The following RBBP6 variants were observed in gnomAD, a reference collection of about 807,000 sequenced individuals.
The protein encoded by RBBP6 is E3 ubiquitin-protein ligase RBBP6.
A neutral mutation model predicts 167.7 loss-of-function variants in RBBP6; 25 were observed. That is an observed-to-expected ratio of 0.15 (90% confidence interval 0.11 to 0.21). The LOEUF (loss-of-function observed/expected upper bound fraction) is 0.21. Among genes scored for constraint, RBBP6 ranks in the 10% least tolerant of loss-of-function variants. The pLI, the probability that RBBP6 is intolerant of heterozygous loss-of-function variation, is 1.00. For missense variants in RBBP6, 1,868 were observed against 2,134.2 expected (o/e 0.88, Z 2.46); for synonymous variants, 789 against 735.8 (o/e 1.07, Z -1.17).
chr16:24,558,880 T>C (rs1187015194), intron 7 of RBBP6, among the ~76,000 whole-genome samples: 2 of 152,208 alleles, frequency 1.3e-5, no homozygotes, highest in Non-Finnish European at 2.9e-5. Flanking sequence ...TAACCTCTCT[T>C]AAAATACTAA....
rs1387479542 is a variant in RBBP6 at position 24,555,476 on chromosome 16, C to T, written c.349-139C>T. The T allele has an allele frequency of 4.4e-6, 3 of 675,268 alleles. No individual in the cohort carries two copies. The East Asian group carries it at 7.8e-5, about 18-fold the overall frequency. The allele number at this position is 675,268 out of a possible 1,614,324, so 41.8% of individuals were successfully genotyped here. On this transcript the variant is annotated intron_variant, in intron 4 of 17. Transcript: ENST00000319715. ...CCTAAGGAATTCCCAAGTGCCTCTT[C>T]CAGGTTATACGTGTAAATAGCTGTT...
intron 14 of RBBP6, among the ~76,000 whole-genome samples, chr16:24,566,114 A>C (rs530137540): frequency 1.3e-5 from 2 of 152,308 alleles, no homozygotes; most frequent in East Asian, 3.9e-4. Flanking sequence ...TGCTAAACTT[A>C]TGAAAGTTTA....
At chr16:24,544,732 A>G (rs1239439302) in intron 1 of RBBP6, among the ~76,000 whole-genome samples, 4 of 152,128 alleles carry the variant, frequency 2.6e-5, no homozygotes, top group Non-Finnish European at 5.9e-5. Context: ...CATTTTCTTA[A>G]TTTCATTCTT....
At position 24,571,124 on chromosome 16, in the gene RBBP6, G is replaced by C; in HGVS notation, c.4058G>C (p.Ser1353Thr). 1 of 1,613,442 alleles carries C rather than the reference G, an allele frequency of 6.2e-7. No individual in the cohort carries two copies. The highest frequency in any genetic ancestry group is 8.5e-7 in the Non-Finnish European group (1 of 1,179,582). Residue 1353 changes from serine to threonine, a missense_variant, in exon 18 of 18, where the codon AGT (serine) becomes ACT (threonine). Physicochemically the swap from Ser to Thr is moderately conservative, Grantham distance 58 (BLOSUM62 1). Around this residue, in one of 7 missense-constraint regions of RBBP6, gnomAD observed 591 missense variants for 540.5 expected, o/e 1.09. Coordinates refer to ENST00000319715, the MANE Select transcript of RBBP6 (RefSeq NM_006910.5). ...CCTGCTAGTGTTATAAAAAATGTTA[G>C]TACAAAGCCATCAAATATAGTCAAG... ...GKPASVIKNV[S>T]TKPSNIVKYP...
At chr16:24,540,919 A>G in intron 1 of RBBP6, 127 bp downstream of exon 1, 1 of 1,149,168 alleles carries the variant, frequency 8.7e-7, no homozygotes, top group South Asian at 1.8e-5. Flanking sequence ...TTTGGATACA[A>G]CTTTCATTGA....
Position 24,540,497 on chromosome 16 carries a change from C to A in RBBP6, c.-130C>A, listed in dbSNP as rs1199313509. On this transcript the variant is annotated 5_prime_UTR_variant, in exon 1 of 18. In the 5' UTR this introduces an upstream ATG that the reference lacks. Transcript: ENST00000319715. ...TGCTTGTGGTTGGGGGGTATTTAATCTGAGGCCTTAGGGTCCTTCGGTGTC... is the reference window on the plus strand; with the variant it reads ...TGCTTGTGGTTGGGGGGTATTTAATATGAGGCCTTAGGGTCCTTCGGTGTC... The A allele has an allele frequency of 3.4e-6, 3 of 882,118 alleles. No individual in the cohort carries two copies. Among genetic ancestry groups the A allele is most frequent in the East Asian group, 2.7e-5 (1 of 37,304 alleles). The allele number at this position is 882,118 out of a possible 1,614,324, so 54.6% of individuals were successfully genotyped here.
chr16:24,563,894 A>T (rs1424048335), intron 13 of RBBP6, among the ~76,000 whole-genome samples: 2 of 152,006 alleles, frequency 1.3e-5, no homozygotes, highest in East Asian at 1.9e-4. Flanking sequence ...ACAAAATTTT[A>T]AAAGTTTTTT....
At chr16:24,546,128 C>T in intron 1 of RBBP6, 35 bp from the exon 2 acceptor site, 1 of 1,545,362 alleles carries the variant, frequency 6.5e-7, no homozygotes, top group Non-Finnish European at 8.7e-7. Context: ...CTCAAATCCC[C>T]AAATGGAAAT....
rs958860323 is a variant in RBBP6 at position 24,539,740 on chromosome 16, C to T, written c.-887C>T. 2.6e-5 allele frequency: 4 copies of T among 152,218 alleles called. No homozygotes were observed. Among genetic ancestry groups the T allele is most frequent in the Non-Finnish European group, 5.9e-5 (4 of 68,050 alleles). The allele number at this position is 152,218 out of a possible 1,614,324, so 9.4% of individuals were successfully genotyped here. A position where few individuals can be genotyped will look rare whatever the true frequency, so the allele number is the denominator to read the frequency against. ...GGCGTGTTCTCGCGGTTCCGGGCCT[C>T]AAGGCGACGGAAACGAAAGGCGAGC... is the stretch of plus-strand genomic sequence containing the variant. On this transcript the variant is annotated 5_prime_UTR_variant, in exon 1 of 18. Coordinates refer to ENST00000319715, the MANE Select transcript of RBBP6 (RefSeq NM_006910.5).
intron 1 of RBBP6, 99 bp from the exon 2 acceptor site, chr16:24,546,064 A>T: frequency 6.9e-7 from 1 of 1,439,386 alleles, no homozygotes; most frequent in Middle Eastern, 2.5e-4. Flanking sequence ...TATTATATTT[A>T]AAGTCATTTC....
chr16:24,562,227 G>A (rs1402177039), intron 10 of RBBP6, 66 bp downstream of exon 10: 2 of 1,433,766 alleles, frequency 1.4e-6, no homozygotes, highest in Admixed American at 1.8e-5. Context: ...TTTGTTGTTG[G>A]TTATCACTTT....
At chr16:24,556,210 C>A in intron 6 of RBBP6, 98 bp from the exon 7 acceptor site, 1 of 979,480 alleles carries the variant, frequency 1.0e-6, no homozygotes, top group Non-Finnish European at 1.5e-6. Context: ...TAAAGCACTA[C>A]AAGTAATATA....
chr16:24,570,092 T>C lies in RBBP6; in HGVS notation c.3402T>C (p.Asn1134=). ...TTKEEKAKKP[N]EKNKPLDNKG... is the part of the protein sequence containing the mutation. ...AGGAAGAAAAGGCCAAGAAGCCTAA[T>C]GAGAAAAACAAACCACTTGATAATA... is the stretch of plus-strand genomic sequence containing the variant. Residue 1134 remains asparagine (N), a synonymous_variant, in exon 17 of 18, where the codon AAT becomes AAC. Coordinates refer to ENST00000319715, the MANE Select transcript of RBBP6 (RefSeq NM_006910.5). 1.2e-6 allele frequency: 2 copies of C among 1,602,940 alleles called. No homozygotes were observed. Among genetic ancestry groups the C allele is most frequent in the Non-Finnish European group, 1.7e-6 (2 of 1,177,494 alleles).
At chr16:24,550,697 A>T (rs142657936) in intron 3 of RBBP6, among the ~76,000 whole-genome samples, 2 of 151,582 alleles carry the variant, frequency 1.3e-5, no homozygotes, top group African/African-American at 4.8e-5. Context: ...CATTTATAAG[A>T]AGCAGTTTAT....
intron 1 of RBBP6, 23 bp from the exon 2 acceptor site, chr16:24,546,140 C>G: frequency 6.4e-7 from 1 of 1,556,012 alleles, no homozygotes; most frequent in Non-Finnish European, 8.6e-7. Flanking sequence ...AATGGAAATT[C>G]AATTCTGTCT....
chr16:24,553,403 C>CT, intron 3 of RBBP6, 110 bp from the exon 4 acceptor site: 1 of 819,522 alleles, frequency 1.2e-6, no homozygotes, highest in Non-Finnish European at 2.0e-6. Flanking sequence ...CTTTAGAAAA[C>CT]TAAGAAAATG....
chr16:24,552,199 A>T (rs957582686), intron 3 of RBBP6, among the ~76,000 whole-genome samples: 5 of 151,856 alleles, frequency 3.3e-5, no homozygotes, highest in African/African-American at 1.2e-4. Context: ...GATATTTGTG[A>T]GATGTGTCTT....
chr16:24,545,529 C>T (rs1022152483), intron 1 of RBBP6, among the ~76,000 whole-genome samples: 3 of 152,118 alleles, frequency 2.0e-5, no homozygotes, highest in South Asian at 4.1e-4. Context: ...CAAGCCGTTT[C>T]GTATCATTTT....
intron 15 of RBBP6, 106 bp from the exon 16 acceptor site, chr16:24,567,686 A>C: frequency 3.1e-6 from 4 of 1,277,018 alleles, no homozygotes; most frequent in Non-Finnish European, 4.4e-6. Flanking sequence ...AAAGTGGAAA[A>C]CTAATGGCAA....
Sources: allele counts gnomAD v4.1 joint callset (sites outside exome capture counted in the v4.1 genomes callset), GRCh38; gene constraint gnomAD v4.1.1; regional missense constraint gnomAD v4.1.1; transcripts MANE v1.5; gene names NCBI Gene and HGNC (gene_info 2026-07-23, HGNC 2026-07-21).